ARFGEF3: variants seen among roughly 807,000 people sequenced by gnomAD.
ARFGEF3 encodes the protein ARFGEF family member 3, also known as brefeldin A-inhibited guanine nucleotide-exchange protein 3.
In ARFGEF3, 96 loss-of-function variants were observed where a neutral mutation model predicts 221.7. That is an observed-to-expected ratio of 0.43 (90% confidence interval 0.37 to 0.51). ARFGEF3 has a LOEUF of 0.51. Among genes scored for constraint, ARFGEF3 ranks in the 20% least tolerant of loss-of-function variants. ARFGEF3 has a pLI of 0.00. For missense variants in ARFGEF3, 2,410 were observed against 2,789.9 expected (o/e 0.86, Z 3.07); for synonymous variants, 1,145 against 1,126.8 (o/e 1.02, Z -0.32).
intron 5 of ARFGEF3, among the ~76,000 whole-genome samples, chr6:138,234,238 G>A (rs1436899391): frequency 1.3e-5 from 2 of 152,174 alleles, no homozygotes; most frequent in Non-Finnish European, 2.9e-5. Flanking sequence ...CTGGGAAGGT[G>A]CACGAATCGA....
chr6:138,323,188 T>C (rs544415983), intron 29 of ARFGEF3, among the ~76,000 whole-genome samples: 2 of 152,140 alleles, frequency 1.3e-5, no homozygotes, highest in South Asian at 2.1e-4. Flanking sequence ...ATTAAAATGG[T>C]TTAGGAAGTA....
At chr6:138,217,257 A>G (rs922378103) in intron 4 of ARFGEF3, 9 of 152,198 alleles carry the variant, frequency 5.9e-5, no homozygotes, top group African/African-American at 2.2e-4. Flanking sequence ...AGCGCATATA[A>G]ATGCAGAGGC....
At chr6:138,303,606 C>A (rs1298202496) in intron 22 of ARFGEF3, among the ~76,000 whole-genome samples, 1 of 152,024 alleles carries the variant, frequency 6.6e-6, no homozygotes, top group Non-Finnish European at 1.5e-5. Flanking sequence ...AGATGGAGAC[C>A]ATCCTGGCTA....
At chr6:138,286,157 A>G in intron 15 of ARFGEF3, 104 bp downstream of exon 15, 1 of 805,672 alleles carries the variant, frequency 1.2e-6, no homozygotes. Flanking sequence ...TCTTGGTTAG[A>G]AAAAGTAATT....
Position 138,278,597 on chromosome 6 carries a change from A to G in ARFGEF3, c.2275A>G (p.Thr759Ala). ...CGGTGACTACTACAGGAAGCGGCCGACCCTGGCGCCAGGCGTGATGGTGAG... is the reference window on the plus strand; with the variant it reads ...CGGTGACTACTACAGGAAGCGGCCGGCCCTGGCGCCAGGCGTGATGGTGAG... ...SHGDYYRKRP[T>A]LAPGVMKDFM... The change falls in exon 13 of 34, where the codon ACC (threonine) becomes GCC (alanine). Residue 759 changes from threonine (T) to alanine (A), a missense_variant. Coordinates refer to ENST00000251691, the MANE Select transcript of ARFGEF3 (RefSeq NM_020340.5). The G allele has an allele frequency of 6.2e-7, 1 of 1,613,782 alleles. No individual in the cohort carries two copies. Among genetic ancestry groups the G allele is most frequent in the Non-Finnish European group, 8.5e-7 (1 of 1,179,840 alleles).
chr6:138,282,981 A>C (rs993238548), intron 14 of ARFGEF3, among the ~76,000 whole-genome samples: 3 of 152,094 alleles, frequency 2.0e-5, no homozygotes, highest in Non-Finnish European at 4.4e-5. Flanking sequence ...AACCTGGGAG[A>C]CAGAGGTTGC....
At chr6:138,169,908 C>T (rs933787463) in intron 1 of ARFGEF3, among the ~76,000 whole-genome samples, 2 of 152,096 alleles carry the variant, frequency 1.3e-5, no homozygotes, top group Admixed American at 1.3e-4. Context: ...TTCTCCTTCC[C>T]CAATGAAAAT....
At chr6:138,188,137 G>A (rs533812725) in intron 2 of ARFGEF3, among the ~76,000 whole-genome samples, 4 of 152,168 alleles carry the variant, frequency 2.6e-5, no homozygotes, top group South Asian at 4.1e-4. Context: ...GCTGGTTTTC[G>A]CAGATTTTTG....
rs762454995 is a variant in ARFGEF3, at chr6:138,313,885, G to C, written c.4291G>C (p.Ala1431Pro). 3.1e-6 allele frequency: 5 copies of C among 1,613,924 alleles called. No homozygotes were observed. The highest frequency in any genetic ancestry group is 4.2e-6 in the Non-Finnish European group (5 of 1,179,848). ...GCCTCGAAGACTTCAGGAACAGTCA[G>C]CCAGCAGTGAGGATGGAATTGAATC... ...GLPRRLQEQS[A>P]SSEDGIESVL... is the part of the protein sequence containing the mutation. The change falls in exon 26 of 34, where the codon GCC (alanine) becomes CCC (proline). Residue 1431 changes from alanine to proline, a missense_variant. Ala to Pro is a conservative substitution (Grantham distance 27). Transcript: ENST00000251691.
At chr6:138,207,509 C>A (rs1777646025) in intron 3 of ARFGEF3, among the ~76,000 whole-genome samples, 1 of 152,066 alleles carries the variant, frequency 6.6e-6, no homozygotes. Context: ...TGATGGTAAA[C>A]TGGAAAGATT....
At chr6:138,288,355 A>G (rs1378639992) in intron 17 of ARFGEF3, among the ~76,000 whole-genome samples, 3 of 152,104 alleles carry the variant, frequency 2.0e-5, no homozygotes, top group South Asian at 4.1e-4. Flanking sequence ...ATTGCACTCT[A>G]GCCTGGGTGA....
At chr6:138,218,567 T>A (rs1285019910) in intron 4 of ARFGEF3, 2 of 1,149,794 alleles carry the variant, frequency 1.7e-6, no homozygotes, top group Non-Finnish European at 2.3e-6. Context: ...TGTTCCATCC[T>A]ACGAGGTAGA....
chr6:138,322,167 G>A (rs1780043257), intron 29 of ARFGEF3, among the ~76,000 whole-genome samples: 1 of 152,156 alleles, frequency 6.6e-6, no homozygotes, highest in Non-Finnish European at 1.5e-5. Flanking sequence ...GAACAAAAAG[G>A]CCAAGTAAGA....
At chr6:138,178,142 T>C (rs1776992601) in intron 2 of ARFGEF3, among the ~76,000 whole-genome samples, 1 of 152,174 alleles carries the variant, frequency 6.6e-6, no homozygotes, top group Non-Finnish European at 1.5e-5. Context: ...CTCTCGAAGA[T>C]GTGACTATGA....
intron 2 of ARFGEF3, among the ~76,000 whole-genome samples, chr6:138,198,154 C>A (rs575219696): frequency 6.6e-6 from 1 of 152,234 alleles, no homozygotes; most frequent in African/African-American, 2.4e-5. Context: ...AGAATTATTT[C>A]TACTAGATTG....
chr6:138,207,197 A>G, intron 3 of ARFGEF3, 74 bp downstream of exon 3: 1 of 1,109,858 alleles, frequency 9.0e-7, no homozygotes, highest in Non-Finnish European at 1.3e-6. Context: ...GCAAATAGTT[A>G]ACATTTTAAA....
chr6:138,310,590 G>C (rs1384778371), intron 24 of ARFGEF3, among the ~76,000 whole-genome samples: 3 of 152,130 alleles, frequency 2.0e-5, no homozygotes, highest in Non-Finnish European at 4.4e-5. Context: ...CTTTGCTTCT[G>C]AATTTTAACT....
At chr6:138,246,360 T>C (rs1232816063) in intron 8 of ARFGEF3, among the ~76,000 whole-genome samples, 1 of 152,234 alleles carries the variant, frequency 6.6e-6, no homozygotes, top group Non-Finnish European at 1.5e-5. Flanking sequence ...AACTAGGACA[T>C]CTGATAATGC....
chr6:138,322,576 C>A (rs1780051546), intron 29 of ARFGEF3, among the ~76,000 whole-genome samples: 1 of 152,040 alleles, frequency 6.6e-6, no homozygotes, highest in Admixed American at 6.5e-5. Flanking sequence ...GCAGGCAGAT[C>A]ACAAGGTCAG....
Sources: gnomAD v4.1 joint callset for allele counts (sites outside exome capture counted in the v4.1 genomes callset) on GRCh38, gnomAD v4.1.1 for gene constraint, MANE v1.5 for transcripts, NCBI Gene and HGNC (gene_info 2026-07-23, HGNC 2026-07-21) for gene names.